Variants in RAB3C observed in about 807,000 individuals in gnomAD.
RAB3C encodes the protein RAB3C, member RAS oncogene family.
A neutral mutation model predicts 26.4 loss-of-function variants in RAB3C; 17 were observed. The ratio of observed to expected loss-of-function variants is 0.64; its 90% CI spans 0.44 to 0.97. RAB3C has a LOEUF of 0.97. Ranked by LOEUF, RAB3C falls within the 50% of genes least tolerant of loss-of-function variation. The pLI is 0.00. For missense variants in RAB3C, 242 were observed against 281.9 expected (o/e 0.86, Z 1.01); for synonymous variants, 91 against 95.9 (o/e 0.95, Z 0.30).
At chr5:58,710,416 T>C (rs977741117) in intron 2 of RAB3C, among the ~76,000 whole-genome samples, 6 of 151,660 alleles carry the variant, frequency 4.0e-5, no homozygotes, top group Admixed American at 2.0e-4. Context: ...CTGGCCAACA[T>C]TGCGAAACCC....
intron 4 of RAB3C, among the ~76,000 whole-genome samples, chr5:58,841,050 T>C (rs767298772): frequency 1.1e-4 from 17 of 152,196 alleles, no homozygotes; most frequent in Non-Finnish European, 2.5e-4. Flanking sequence ...CAAGGCTGTT[T>C]CTTAGGCACT....
chr5:58,635,693 C>T (rs1415021371), intron 2 of RAB3C, among the ~76,000 whole-genome samples: 2 of 152,104 alleles, frequency 1.3e-5, no homozygotes, highest in South Asian at 2.1e-4. Flanking sequence ...GCATACTTTA[C>T]CTCTAGAGTA....
rs1481414251 is a variant in RAB3C, at chr5:58,855,797, C to G, written c.*4446C>G. The G allele has an allele frequency of 6.6e-6, 1 of 152,104 alleles. No homozygotes were observed. The highest frequency in any genetic ancestry group is 1.5e-5 in the Non-Finnish European group (1 of 68,020). The allele number at this position is 152,104 out of a possible 1,614,324, so 9.4% of individuals were successfully genotyped here. On this transcript the variant is annotated 3_prime_UTR_variant, in exon 5 of 5. Transcript: ENST00000282878. ...TGACCAGAATAAAAAAGCCTTTACC[C>G]CTGCACAGCACTGTATCTAAAGGGC...
chr5:58,605,701 C>T lies in RAB3C; in HGVS notation c.25-11942C>T, dbSNP rs543792708. Among the ~76,000 whole-genome samples, 65 of 152,246 alleles carry T rather than the reference C, an allele frequency of 4.3e-4. 1 individual carries two copies. Among genetic ancestry groups the T allele is most frequent in the Non-Finnish European group, 3.1e-4 (21 of 68,012 alleles). On this transcript the variant is annotated intron_variant, in intron 1 of 4. Transcript: ENST00000282878. The stretch of plus-strand genomic sequence containing the variant: ...TCTCTTGAGGTCAGGAGTTCAAGAT[C>T]ATCTTGGCCAACATAGTGAAACCCT...
Position 58,856,471 on chromosome 5 carries a change from C to T in RAB3C, c.*5120C>T, listed in dbSNP as rs1454729721. The T allele has an allele frequency of 6.6e-6, 1 of 152,058 alleles. No homozygotes were observed. The highest frequency in any genetic ancestry group is 2.4e-5 in the African/African-American group (1 of 41,390). The allele number at this position is 152,058 out of a possible 1,614,324, so 9.4% of individuals were successfully genotyped here. A position where few individuals can be genotyped will look rare whatever the true frequency, so the allele number is the denominator to read the frequency against. On this transcript the variant is annotated 3_prime_UTR_variant, in exon 5 of 5. Transcript: ENST00000282878. The stretch of plus-strand genomic sequence containing the variant: ...ACACTATCCTCATGGAATGACAGGA[C>T]CAAGAATAGAAAATGAGACTCAAAT...
rs567420128 is a variant in RAB3C at position 58,706,500 on chromosome 5, C to T, written c.253-19502C>T. On this transcript the variant is annotated intron_variant, in intron 2 of 4. Coordinates refer to ENST00000282878, the MANE Select transcript of RAB3C (RefSeq NM_138453.4). ...TTATACATTGTTGGTTTTAGAATAT[C>T]TCTCCTTAGAAGTTTTCATCTAGGA... Among the ~76,000 whole-genome samples, 30 of 152,260 alleles carry T rather than the reference C, an allele frequency of 2.0e-4. No homozygotes were observed. In the South Asian group the frequency reaches 5.0e-3, roughly 25 times the overall value.
At chr5:58,818,799 G>A (rs1743274663) in intron 3 of RAB3C, among the ~76,000 whole-genome samples, 1 of 152,158 alleles carries the variant, frequency 6.6e-6, no homozygotes, top group Non-Finnish European at 1.5e-5. Flanking sequence ...TGAGATGATT[G>A]GAAATGTGTC....
intron 3 of RAB3C, among the ~76,000 whole-genome samples, chr5:58,791,218 T>C (rs535754923): frequency 1.3e-5 from 2 of 152,296 alleles, no homozygotes; most frequent in East Asian, 3.9e-4. Flanking sequence ...AGCCTTGTGA[T>C]TGAGGCTTAC....
intron 3 of RAB3C, among the ~76,000 whole-genome samples, chr5:58,732,611 G>A (rs1463568441): frequency 6.6e-6 from 1 of 152,124 alleles, no homozygotes; most frequent in East Asian, 1.9e-4. Flanking sequence ...GGTCTCAAAT[G>A]ATCCAAGAAC....
At chr5:58,771,849 C>A (rs1161824233) in intron 3 of RAB3C, among the ~76,000 whole-genome samples, 1 of 131,944 alleles carries the variant, frequency 7.6e-6, no homozygotes, top group Non-Finnish European at 1.7e-5. Flanking sequence ...TTTTCTTTTT[C>A]TTTTTTTTTT....
intron 2 of RAB3C, among the ~76,000 whole-genome samples, chr5:58,718,887 C>T (rs1291636442): frequency 2.0e-5 from 3 of 151,968 alleles, no homozygotes; most frequent in East Asian, 1.9e-4. Flanking sequence ...CATTTCATTC[C>T]GAATGAAACA....
At position 58,768,739 on chromosome 5, in the gene RAB3C, G is replaced by T. The variant is rs184865465; in HGVS notation, c.371+42619G>T. On this transcript the variant is annotated intron_variant, in intron 3 of 4. Transcript: ENST00000282878. ...GCTGAGTCCAAGCAGCAGCAAAAAG[G>T]CCAGAGTGGCTGGAACACAGTAAGT... is the stretch of plus-strand genomic sequence containing the variant. Among the ~76,000 whole-genome samples, 676 of 151,980 alleles carry T rather than the reference G, an allele frequency of 4.4e-3. 7 individuals carry two copies. The highest frequency in any genetic ancestry group is 3.6e-3 in the Non-Finnish European group (246 of 68,010).
intron 2 of RAB3C, among the ~76,000 whole-genome samples, chr5:58,620,269 T>C (rs1205556782): frequency 6.6e-6 from 1 of 152,124 alleles, no homozygotes; most frequent in Admixed American, 6.6e-5. Context: ...TAAAACATAA[T>C]CCAATTTCTT....
intron 2 of RAB3C, among the ~76,000 whole-genome samples, chr5:58,640,234 T>A (rs1051303584): frequency 2.6e-5 from 4 of 152,208 alleles, no homozygotes; most frequent in African/African-American, 9.6e-5. Flanking sequence ...AAGGAGGAAC[T>A]TCCAGCTGCT....
intron 3 of RAB3C, among the ~76,000 whole-genome samples, chr5:58,817,499 TC>T (rs1184229459): frequency 6.6e-6 from 1 of 152,170 alleles, no homozygotes; most frequent in Admixed American, 6.5e-5. Flanking sequence ...TTTATTATGT[TC>T]CTGTTTCTGG....
At chr5:58,636,973 G>T (rs2111759902) in intron 2 of RAB3C, among the ~76,000 whole-genome samples, 1 of 152,186 alleles carries the variant, frequency 6.6e-6, no homozygotes, top group South Asian at 2.1e-4. Flanking sequence ...GAATAGGAAA[G>T]AAACTTTTAA....
chr5:58,792,883 A>C (rs1364838972), intron 3 of RAB3C, among the ~76,000 whole-genome samples: 2 of 152,076 alleles, frequency 1.3e-5, no homozygotes, highest in Non-Finnish European at 2.9e-5. Context: ...AATTGTTAGT[A>C]ATTGTTAGAA....
chr5:58,690,252 A>T (rs10042009), intron 2 of RAB3C, among the ~76,000 whole-genome samples: 7,612 of 152,206 alleles, frequency 0.05, 642 homozygotes, highest in African/African-American at 0.17. Flanking sequence ...TATTTTTAAA[A>T]CTGAAACAAT....
chr5:58,686,865 C>T (rs764419426), intron 2 of RAB3C, among the ~76,000 whole-genome samples: 1 of 152,118 alleles, frequency 6.6e-6, no homozygotes, highest in Non-Finnish European at 1.5e-5. Flanking sequence ...ACCACTAACA[C>T]AGTCCCTTGG....
Sources: allele counts gnomAD v4.1 joint callset (sites outside exome capture counted in the v4.1 genomes callset), GRCh38; gene constraint gnomAD v4.1.1; transcripts MANE v1.5; gene names NCBI Gene and HGNC (gene_info 2026-07-23, HGNC 2026-07-21).